Variants in ARID4B observed in about 807,000 individuals in gnomAD.
The protein encoded by ARID4B is AT-rich interaction domain 4B, also known as AT-rich interactive domain-containing protein 4B.
ARID4B carries 26 observed loss-of-function variants against 147.5 expected under a neutral mutation model. The observed-to-expected ratio is 0.18, with a 90% CI of 0.13 to 0.24. The LOEUF is 0.24. ARID4B is among the 10% of genes least tolerant of loss of function. ARID4B has a pLI of 1.00. For missense variants in ARID4B, 1,179 were observed against 1,511.5 expected (o/e 0.78, Z 3.65); for synonymous variants, 512 against 507.9 (o/e 1.01, Z -0.11).
rs7340072 is a variant in ARID4B at position 235,173,142 on chromosome 1, G to A, written c.3665-378C>T. Among the ~76,000 whole-genome samples the A allele has an allele frequency of 2.7e-4, 41 of 151,928 alleles. 1 individual carries two copies. Among genetic ancestry groups the A allele is most frequent in the African/African-American group, 9.4e-4 (39 of 41,450 alleles). On this transcript the variant is annotated intron_variant, in intron 22 of 23. Coordinates refer to ENST00000264183, the MANE Select transcript of ARID4B (RefSeq NM_016374.6). ...GGGCGGATCACGAGGTCAGGAGTTC[G>A]ATACCAGCCTGGCCAAGATGGTGAA...
chr1:235,250,677 T>A (rs1669588680), intron 6 of ARID4B, among the ~76,000 whole-genome samples: 1 of 152,106 alleles, frequency 6.6e-6, no homozygotes, highest in Admixed American at 6.5e-5. Flanking sequence ...TCCGGGCACA[T>A]GGGAAGGGAA....
At position 235,175,348 on chromosome 1, in the gene ARID4B, C is replaced by G. The variant is rs2102905380; in HGVS notation, c.3500G>C (p.Ser1167Thr). The G allele has an allele frequency of 2.5e-6, 4 of 1,614,146 alleles. No homozygotes were observed. In the Middle Eastern group the frequency reaches 6.6e-4, roughly 266 times the overall value. ...ELSAGESITK[S>T]QPVKSVSTGM... is the part of the protein sequence containing the mutation. The stretch of plus-strand genomic sequence containing the variant: ...AGTGGAAACTGATTTGACTGGCTGA[C>G]TCTTAGTTATACTTTCACCAGCTGA... Residue 1167 changes from serine (S) to threonine (T), a missense_variant, in exon 22 of 24, where the codon AGT becomes ACT. Ser to Thr is a moderately conservative substitution (Grantham distance 58). Transcript: ENST00000264183.
chr1:235,255,650 A>G lies in ARID4B; in HGVS notation c.274+10T>C, dbSNP rs1326127928. ...AAAACACATTTTTAAAAGAAAATTT[A>G]TTTTCTTACCTACAGTGTACCAACT... On this transcript the variant is annotated intron_variant, in intron 5 of 23. Coordinates refer to ENST00000264183, the MANE Select transcript of ARID4B (RefSeq NM_016374.6). 1.3e-6 allele frequency: 2 copies of G among 1,544,858 alleles called. No individual in the cohort carries two copies. The highest frequency in any genetic ancestry group is 1.2e-5 in the South Asian group (1 of 81,214).
At chr1:235,174,667 C>A (rs1209250377) in intron 22 of ARID4B, among the ~76,000 whole-genome samples, 1 of 151,404 alleles carries the variant, frequency 6.6e-6, no homozygotes, top group African/African-American at 2.4e-5. Context: ...AAAAAATTAG[C>A]CAGGTGTGGT....
Position 235,219,902 on chromosome 1 carries a change from T to G in ARID4B, c.1474A>C (p.Lys492Gln), listed in dbSNP as rs766241724. ...AGATTTTCATTGTCTTCTGGTTTTTTAATGTTAACTTCTTTTTCCTGATCA... is the reference window on the plus strand; with the variant it reads ...AGATTTTCATTGTCTTCTGGTTTTTGAATGTTAACTTCTTTTTCCTGATCA... ...HSDQEKEVNIKKPEDNENLDD... is the reference protein window; with the variant it reads ...HSDQEKEVNIQKPEDNENLDD... Residue 492 changes from lysine to glutamine, a missense_variant, in exon 16 of 24, where the codon AAA (lysine) becomes CAA (glutamine). This residue lies in a region of ARID4B where 204 missense variants were observed against 210.9 expected (regional missense o/e 0.97). Coordinates refer to ENST00000264183, the MANE Select transcript of ARID4B (RefSeq NM_016374.6). 6.3e-7 allele frequency: 1 copy of G among 1,596,678 alleles called. No homozygotes were observed. Among genetic ancestry groups the G allele is most frequent in the East Asian group, 2.2e-5 (1 of 44,588 alleles).
At chr1:235,236,848 A>ATATATATATGTG (rs1558233547) in intron 8 of ARID4B, among the ~76,000 whole-genome samples, 6 of 36,040 alleles carry the variant, frequency 1.7e-4, no homozygotes, top group South Asian at 2.4e-3. Context: ...ATATATATAT[A>ATATATATATGTG]TATATATATA....
intron 17 of ARID4B, among the ~76,000 whole-genome samples, chr1:235,205,489 TG>T (rs1287913467): frequency 2.6e-5 from 4 of 152,110 alleles, no homozygotes; most frequent in African/African-American, 7.2e-5. Context: ...AGAACAACAA[TG>T]TAAACATTAC....
chr1:235,230,338 C>T (rs1295468249), intron 10 of ARID4B, among the ~76,000 whole-genome samples: 2 of 151,252 alleles, frequency 1.3e-5, no homozygotes, highest in African/African-American at 4.9e-5. Flanking sequence ...CGCTTGAACC[C>T]GGGAGGTGGA....
chr1:235,284,250 T>C (rs1671837957), intron 2 of ARID4B, among the ~76,000 whole-genome samples: 1 of 152,048 alleles, frequency 6.6e-6, no homozygotes, highest in Non-Finnish European at 1.5e-5. Context: ...ATCTCAGCTA[T>C]TCGGGAGGCT....
In ARID4B at chr1:235,279,795, G is replaced by A. The variant is rs117381198; in HGVS notation, c.7-19043C>T. On this transcript the variant is annotated intron_variant, in intron 2 of 23. Transcript: ENST00000264183. ...CTAGAATTTGATATATGCCAGACATGCAGTACCTATGTGAACAGCTCCCAC... is the reference window on the plus strand; with the variant it reads ...CTAGAATTTGATATATGCCAGACATACAGTACCTATGTGAACAGCTCCCAC... Among the ~76,000 whole-genome samples, 9 of 152,284 alleles carry A rather than the reference G, an allele frequency of 5.9e-5. No homozygotes were observed. In the East Asian group the frequency reaches 1.7e-3, roughly 29 times the overall value.
Position 235,181,712 on chromosome 1 carries a change from A to C in ARID4B, c.3207T>G (p.Ile1069Met). Residue 1069 changes from isoleucine to methionine, a missense_variant, in exon 20 of 24, where the codon ATT becomes ATG. By Grantham distance (10) the Ile-to-Met change is conservative. Transcript: ENST00000264183. ...GCTCCCCAGCAACACTATCCACCTC[A>C]ATTGTGCTATCAGTTTCACTCTTGA... ...RSIKSETDST[I>M]EVDSVAGELQ... 6.2e-7 allele frequency: 1 copy of C among 1,613,980 alleles called. No individual in the cohort carries two copies. The highest frequency in any genetic ancestry group is 8.5e-7 in the Non-Finnish European group (1 of 1,179,974).
At chr1:235,254,167 T>C (rs1669809334) in intron 5 of ARID4B, among the ~76,000 whole-genome samples, 1 of 152,124 alleles carries the variant, frequency 6.6e-6, no homozygotes, top group Non-Finnish European at 1.5e-5. Flanking sequence ...TATTTCCTTA[T>C]GTCTCAAAAT....
At chr1:235,309,422 TG>T (rs1310454028) in intron 2 of ARID4B, among the ~76,000 whole-genome samples, 1 of 133,834 alleles carries the variant, frequency 7.5e-6, no homozygotes, top group Non-Finnish European at 1.6e-5. Context: ...GGGAGGGAGG[TG>T]GGGGGGTCAG....
At chr1:235,174,594 A>T (rs1663715465) in intron 22 of ARID4B, among the ~76,000 whole-genome samples, 1 of 151,704 alleles carries the variant, frequency 6.6e-6, no homozygotes, top group African/African-American at 2.4e-5. Context: ...TGAGGTCAGG[A>T]GTTCAAGGCC....
intron 10 of ARID4B, 86 bp downstream of exon 10, chr1:235,231,027 T>C: frequency 1.0e-6 from 1 of 956,864 alleles, no homozygotes; most frequent in Non-Finnish European, 1.6e-6. Context: ...TAAAGAAAAA[T>C]TTTAAAGAGC....
intron 2 of ARID4B, among the ~76,000 whole-genome samples, chr1:235,323,910 T>G (rs893024732): frequency 2.0e-5 from 3 of 150,222 alleles, no homozygotes; most frequent in South Asian, 2.1e-4. Context: ...TTATTTAGTT[T>G]TTTTTTTTTT....
intron 2 of ARID4B, among the ~76,000 whole-genome samples, chr1:235,291,808 G>A (rs1672356699): frequency 6.6e-6 from 1 of 152,168 alleles, no homozygotes. Context: ...ACATCTCCCA[G>A]ATGTGTTAAG....
chr1:235,292,168 T>C (rs1260009103), intron 2 of ARID4B, among the ~76,000 whole-genome samples: 1 of 152,224 alleles, frequency 6.6e-6, no homozygotes, highest in Non-Finnish European at 1.5e-5. Flanking sequence ...TTTCATATGA[T>C]TTTGCAATCA....
At chr1:235,255,219 C>CTAGATAGA (rs1553304253) in intron 5 of ARID4B, among the ~76,000 whole-genome samples, 2 of 127,568 alleles carry the variant, frequency 1.6e-5, no homozygotes, top group African/African-American at 6.1e-5. Flanking sequence ...CTGCTGGGAG[C>CTAGATAGA]TAGATAGATA....
Sources: gnomAD v4.1 joint callset for allele counts (sites outside exome capture counted in the v4.1 genomes callset) on GRCh38, gnomAD v4.1.1 for gene constraint, gnomAD v4.1.1 regional missense constraint, MANE v1.5 for transcripts, NCBI Gene and HGNC (gene_info 2026-07-23, HGNC 2026-07-21) for gene names.